Variants in ATAD3B observed in about 807,000 individuals in gnomAD.
ATAD3B encodes the protein ATPase family AAA domain-containing protein 3B.
Under a neutral mutation model 70.2 loss-of-function variants are expected in ATAD3B, and 59 were observed. That is an observed-to-expected ratio of 0.84 (90% CI 0.68 to 1.04). The LOEUF is 1.04. ATAD3B is among the 50% of genes least tolerant of loss of function. The pLI is 0.00. For synonymous variants in ATAD3B, 423 were observed against 388.6 expected (o/e 1.09, Z -1.04); for missense variants, 961 against 913.4 (o/e 1.05, Z -0.67).
At position 1,486,091 on chromosome 1, in the gene ATAD3B, C is replaced by T. The variant is rs747121137; in HGVS notation, c.964-19C>T. The T allele has an allele frequency of 1.9e-5, 30 of 1,612,808 alleles. 1 individual carries two copies. In the African/African-American group the frequency reaches 2.8e-4, roughly 15 times the overall value. On this transcript the variant is annotated intron_variant, in intron 9 of 15. Coordinates refer to ENST00000673477, the MANE Select transcript of ATAD3B (RefSeq NM_031921.6). Reference sequence around the variant, plus strand: ...GTGGGTGCAGAGTGTCTCCCCCAAACCCCCGTCTTCCCCGGCAGCCCAGCC... The same window carrying T: ...GTGGGTGCAGAGTGTCTCCCCCAAATCCCCGTCTTCCCCGGCAGCCCAGCC...
In ATAD3B at chr1:1,474,437, G is replaced by A. The variant is rs528144125; in HGVS notation, c.205+2348G>A. ...GATCTCCTGACCCCGTGATCCACCC[G>A]CCTCGGCCACCCAAAGTGCTGGGAT... On this transcript the variant is annotated intron_variant, in intron 1 of 15. Coordinates refer to ENST00000673477, the MANE Select transcript of ATAD3B (RefSeq NM_031921.6). 6.1e-4 allele frequency among the ~76,000 whole-genome samples: 93 copies of A among 151,436 alleles called. No individual in the cohort carries two copies. In the East Asian group the frequency reaches 6.4e-3, roughly 10 times the overall value.
At chr1:1,509,339 A>G in the ATAD3B span, 56 of 1,611,132 alleles carry the variant, frequency 3.5e-5, 1 homozygote, top group African/African-American at 6.8e-5. Context: ...AGGACGAGCA[A>G]CCCTCATCCT....
the ATAD3B span, among the ~76,000 whole-genome samples, chr1:1,506,550 G>A: frequency 2.6e-5 from 4 of 151,648 alleles, no homozygotes; most frequent in East Asian, 3.9e-4. Context: ...CGTGGGCCAC[G>A]GCGCCCGGCC....
the ATAD3B span, among the ~76,000 whole-genome samples, chr1:1,508,323 C>G: frequency 6.6e-6 from 1 of 151,298 alleles, no homozygotes. Flanking sequence ...GGGACGGGCA[C>G]CACGTGGTCA....
In ATAD3B at chr1:1,486,686, C is replaced by T; in HGVS notation, c.1214+18C>T. ...CGGCGCGGGTGAGACGTCCCCACAG[C>T]ATGCACCAGGCCCTTGGCTGCGGCC... On this transcript the variant is annotated intron_variant, in intron 11 of 15. Transcript: ENST00000673477. 1 of 1,581,802 alleles carries T rather than the reference C, an allele frequency of 6.3e-7. No individual in the cohort carries two copies.
In ATAD3B at chr1:1,478,652, G is replaced by A. The variant is rs569251280; in HGVS notation, c.291G>A (p.Glu97=). ...AGTGCTGTGCTCTGCAGGAGTATGA[G>A]GCCGCCGTGGAGCAGCTCAAGAGCG... The part of the protein sequence containing the change: ...LEQQSKLKEY[E]AAVEQLKSEQ... The change falls in exon 3 of 16, where the codon GAG becomes GAA. Residue 97 remains glutamate, a synonymous_variant. Coordinates refer to ENST00000673477, the MANE Select transcript of ATAD3B (RefSeq NM_031921.6). 7.6e-5 allele frequency: 117 copies of A among 1,547,460 alleles called. No individual in the cohort carries two copies. The African/African-American group carries it at 1.5e-3, about 20-fold the overall frequency.
chr1:1,472,237 T>C, intron 1 of ATAD3B, 148 bp downstream of exon 1: 2 of 1,406,446 alleles, frequency 1.4e-6, no homozygotes, highest in East Asian at 4.0e-5. Context: ...CGGAGCCGTC[T>C]CGCGTGCCGG....
chr1:1,472,066 C>T lies in ATAD3B; in HGVS notation c.182C>T (p.Ala61Val). Residue 61 changes from alanine (A) to valine (V), a missense_variant, in exon 1 of 16, where the codon GCG becomes GTG. Ala to Val is a moderately conservative substitution (Grantham distance 64, BLOSUM62 0). Coordinates refer to ENST00000673477, the MANE Select transcript of ATAD3B (RefSeq NM_031921.6). The part of the protein sequence containing the change: ...DPTGLERAAK[A>V]ARELEHSRYA... ...ACCGGCCTGGAGCGCGCCGCCAAGG[C>T]GGCGCGCGAGCTGGAGCACTCGCGT... The T allele has an allele frequency of 8.4e-7, 1 of 1,188,984 alleles. No homozygotes were observed. The highest frequency in any genetic ancestry group is 4.1e-5 in the South Asian group (1 of 24,488). 73.7% of individuals were successfully genotyped at this position (1,188,984 alleles called of 1,614,324 possible). A position where few individuals can be genotyped will look rare whatever the true frequency, so the allele number is the denominator to read the frequency against.
intron 12 of ATAD3B, among the ~76,000 whole-genome samples, chr1:1,488,515 C>T (rs531861359): frequency 3.3e-5 from 5 of 152,092 alleles, no homozygotes; most frequent in African/African-American, 4.8e-5. Context: ...AATCCCAGCA[C>T]TTTGGGAGGC....
chr1:1,482,557 C>G lies in ATAD3B; in HGVS notation c.693C>G (p.Thr231=), dbSNP rs765563273. The G allele has an allele frequency of 1.5e-5, 25 of 1,613,256 alleles. No homozygotes were observed. Among genetic ancestry groups the G allele is most frequent in the Non-Finnish European group, 2.0e-5 (24 of 1,179,554 alleles). The part of the protein sequence containing the change: ...TVLESIRTAG[T]LFGEGFRAFV... Reference sequence around the variant, plus strand: ...GCTTTCCCCGCAGGACGGCTGGCACCTTGTTTGGGGAAGGATTCCGTGCCT... The same window carrying G: ...GCTTTCCCCGCAGGACGGCTGGCACGTTGTTTGGGGAAGGATTCCGTGCCT... The change falls in exon 7 of 16, where the codon ACC becomes ACG. Residue 231 remains threonine, a synonymous_variant. Coordinates refer to ENST00000673477, the MANE Select transcript of ATAD3B (RefSeq NM_031921.6).
At position 1,476,473 on chromosome 1, in the gene ATAD3B, G is replaced by A. The variant is rs541557067; in HGVS notation, c.206-801G>A. ...AACAACGCACCAACCCAGGAGCATC[G>A]GGGGTCCCTGCCTACTTTACACGTC... On this transcript the variant is annotated intron_variant, in intron 1 of 15. Coordinates refer to ENST00000673477, the MANE Select transcript of ATAD3B (RefSeq NM_031921.6). 1.1e-4 allele frequency among the ~76,000 whole-genome samples: 16 copies of A among 151,596 alleles called. No individual in the cohort carries two copies. The South Asian group carries it at 3.2e-3, about 30-fold the overall frequency.
At chr1:1,493,067 C>T (rs1177138172) in intron 15 of ATAD3B, among the ~76,000 whole-genome samples, 4 of 151,880 alleles carry the variant, frequency 2.6e-5, no homozygotes, top group South Asian at 2.1e-4. Context: ...GCTAAGATCA[C>T]GCCACAGCAC....
chr1:1,477,383 G>C, intron 2 of ATAD3B, 33 bp downstream of exon 2: 1 of 1,611,484 alleles, frequency 6.2e-7, no homozygotes, highest in Non-Finnish European at 8.5e-7. Context: ...AGGAGGCCGG[G>C]GCGCACATGG....
chr1:1,479,409 C>A (rs887599059), intron 4 of ATAD3B, among the ~76,000 whole-genome samples: 1 of 145,596 alleles, frequency 6.9e-6, no homozygotes, highest in African/African-American at 2.6e-5. Context: ...CACACACACC[C>A]CTGCACACAC....
chr1:1,503,092 G>A, the ATAD3B span, among the ~76,000 whole-genome samples: 10 of 151,368 alleles, frequency 6.6e-5, no homozygotes, highest in South Asian at 2.1e-4. Context: ...GCGTGGTGGC[G>A]GGCACCTGTA....
In ATAD3B at chr1:1,492,917, T is replaced by C. The variant is rs1442422989; in HGVS notation, c.1614+2246T>C. Among the ~76,000 whole-genome samples, 3 of 146,258 alleles carry C rather than the reference T, an allele frequency of 2.1e-5. 1 individual carries two copies. Among genetic ancestry groups the C allele is most frequent in the Non-Finnish European group, 3.0e-5 (2 of 66,954 alleles). ...TGGTGCCACTGCACTCCATCCTGGGTGTCAGAGCGATACTCCATCTCCAAA... is the reference window on the plus strand; with the variant it reads ...TGGTGCCACTGCACTCCATCCTGGGCGTCAGAGCGATACTCCATCTCCAAA... On this transcript the variant is annotated intron_variant, in intron 15 of 15. Transcript: ENST00000673477.
At chr1:1,494,876 G>T (rs573235609) in intron 15 of ATAD3B, among the ~76,000 whole-genome samples, 7 of 151,968 alleles carry the variant, frequency 4.6e-5, no homozygotes, top group African/African-American at 1.7e-4. Flanking sequence ...GGGACTCCAC[G>T]CCCTTCGCTG....
intron 1 of ATAD3B, among the ~76,000 whole-genome samples, chr1:1,474,935 TC>T (rs1477540694): frequency 6.7e-6 from 1 of 150,022 alleles, no homozygotes; most frequent in African/African-American, 2.5e-5. Context: ...GTGTCCTAGT[TC>T]CTGGGGGTTT....
Position 1,480,906 on chromosome 1 carries a change from T to A in ATAD3B, c.484T>A (p.Ser162Thr). The change falls in exon 5 of 16, where the codon TCC becomes ACC. Residue 162 changes from serine (S) to threonine (T), a missense_variant. Transcript: ENST00000673477. ...NEENLRKQEESVQKQEAMRRA... is the reference protein window; with the variant it reads ...NEENLRKQEETVQKQEAMRRA... ...GGAGAATTTACGGAAGCAGGAGGAGTCCGTGCAGAAGCAGGAAGCCATGCG... is the reference window on the plus strand; with the variant it reads ...GGAGAATTTACGGAAGCAGGAGGAGACCGTGCAGAAGCAGGAAGCCATGCG... 1 of 1,592,858 alleles carries A rather than the reference T, an allele frequency of 6.3e-7. No individual in the cohort carries two copies. The highest frequency in any genetic ancestry group is 8.5e-7 in the Non-Finnish European group (1 of 1,171,744).
Sources: allele counts gnomAD v4.1 joint callset (sites outside exome capture counted in the v4.1 genomes callset), GRCh38; gene constraint gnomAD v4.1.1; transcripts MANE v1.5; gene names NCBI Gene and HGNC (gene_info 2026-07-23, HGNC 2026-07-21).